The following CS variants were observed in gnomAD, a reference collection of about 807,000 sequenced individuals.
CS encodes the protein citrate synthase, mitochondrial.
CS carries 13 observed loss-of-function variants against 61.4 expected under a neutral mutation model. The observed-to-expected ratio is 0.21, with a 90% CI of 0.14 to 0.34. The LOEUF (loss-of-function observed/expected upper bound fraction) is 0.34. CS is among the 10% of genes least tolerant of loss of function. The pLI, the probability that CS is intolerant of heterozygous loss-of-function variation, is 1.00. For synonymous variants in CS, 159 were observed against 215.2 expected, an observed-to-expected ratio of 0.74 and a Z score of 2.29; for missense variants, 278 against 573.4, an observed-to-expected ratio of 0.48 and a Z score of 5.26.
In CS at chr12:56,271,941, A is replaced by G. The variant is rs985220122; in HGVS notation, c.*1143T>C. 1 of 455,914 alleles carries G rather than the reference A, an allele frequency of 2.2e-6. No individual in the cohort carries two copies. Among genetic ancestry groups the G allele is most frequent in the Non-Finnish European group, 4.4e-6 (1 of 226,622 alleles). The allele number at this position is 455,914 out of a possible 1,614,324, so 28.2% of individuals were successfully genotyped here. A position where few individuals can be genotyped will look rare whatever the true frequency, so the allele number is the denominator to read the frequency against. ...TCTGAGTTGCTGAAAACCTGTGCAAATGGGGCTTCTGAAACATTGTACTGT... is the reference window on the plus strand; with the variant it reads ...TCTGAGTTGCTGAAAACCTGTGCAAGTGGGGCTTCTGAAACATTGTACTGT... On this transcript the variant is annotated 3_prime_UTR_variant, in exon 11 of 11. Coordinates refer to ENST00000351328, the MANE Select transcript of CS (RefSeq NM_004077.3).
At position 56,289,183 on chromosome 12, in the gene CS, T is replaced by A. The variant is rs565733757; in HGVS notation, c.43-2538A>T. 6.6e-5 allele frequency among the ~76,000 whole-genome samples: 10 copies of A among 152,308 alleles called. No individual in the cohort carries two copies. The East Asian group carries it at 1.7e-3, about 26-fold the overall frequency. ...CCCTTCATAGCCCTTGCACCCTACATGGGCAAACAGGAAGCTGAACCCAGC... is the reference window on the plus strand; with the variant it reads ...CCCTTCATAGCCCTTGCACCCTACAAGGGCAAACAGGAAGCTGAACCCAGC... On this transcript the variant is annotated intron_variant, in intron 1 of 10. Coordinates refer to ENST00000351328, the MANE Select transcript of CS (RefSeq NM_004077.3).
At chr12:56,283,329 C>T (rs1164104462) in intron 4 of CS, among the ~76,000 whole-genome samples, 4 of 152,084 alleles carry the variant, frequency 2.6e-5, no homozygotes, top group Non-Finnish European at 4.4e-5. Flanking sequence ...CTGCAAACTC[C>T]GCCTCCTGGG....
intron 1 of CS, among the ~76,000 whole-genome samples, chr12:56,287,848 G>A (rs941209920): frequency 6.6e-6 from 1 of 151,870 alleles, no homozygotes; most frequent in African/African-American, 2.4e-5. Context: ...AGTAGAGACG[G>A]GGTTTCACCA....
chr12:56,273,765 C>T lies in CS; in HGVS notation c.1052G>A (p.Arg351Lys). Residue 351 changes from arginine to lysine, a missense_variant, in exon 10 of 11, where the codon AGG becomes AAG. Arg to Lys is a conservative substitution (Grantham distance 26, BLOSUM62 2). Transcript: ENST00000351328. The stretch of plus-strand genomic sequence containing the variant: ...ACAGGTATATCGCGGATCAGTCTTC[C>T]TTAGTACTGCATGGCCATAGCCTGG... ...VVPGYGHAVL[R>K]KTDPRYTCQR... 6.2e-7 allele frequency: 1 copy of T among 1,614,152 alleles called. No homozygotes were observed. The highest frequency in any genetic ancestry group is 8.5e-7 in the Non-Finnish European group (1 of 1,180,012).
chr12:56,280,308 G>A (rs982057686), intron 6 of CS, among the ~76,000 whole-genome samples: 4 of 150,264 alleles, frequency 2.7e-5, no homozygotes, highest in Non-Finnish European at 1.5e-5. Flanking sequence ...CTAACTACTC[G>A]GGAGGCTGAG....
chr12:56,281,081 C>T (rs1872765150), intron 6 of CS, among the ~76,000 whole-genome samples: 1 of 152,190 alleles, frequency 6.6e-6, no homozygotes, highest in African/African-American at 2.4e-5. Context: ...TGTCTTGCAC[C>T]ACAGTGAACT....
chr12:56,288,902 C>T (rs1873029415), intron 1 of CS, among the ~76,000 whole-genome samples: 1 of 151,968 alleles, frequency 6.6e-6, no homozygotes, highest in South Asian at 2.1e-4. Flanking sequence ...CTCAAGTGAT[C>T]CTCCATTTTC....
At chr12:56,285,733 A>G (rs1872921757) in intron 3 of CS, among the ~76,000 whole-genome samples, 183 bp downstream of exon 3, 1 of 152,214 alleles carries the variant, frequency 6.6e-6, no homozygotes, top group Non-Finnish European at 1.5e-5. Flanking sequence ...CAATAAGCTA[A>G]AAACTGTTGA....
chr12:56,290,059 A>C (rs1873069758), intron 1 of CS, among the ~76,000 whole-genome samples: 1 of 151,224 alleles, frequency 6.6e-6, no homozygotes, highest in African/African-American at 2.4e-5. Context: ...ATGCCCAGCT[A>C]ATTTTTGTAG....
chr12:56,282,382 C>T, intron 6 of CS, 38 bp downstream of exon 6: 2 of 1,488,710 alleles, frequency 1.3e-6, no homozygotes, highest in Non-Finnish European at 1.8e-6. Context: ...TCCTTTGAAT[C>T]CCCATCACAC....
chr12:56,278,041 A>G (rs1872673610), intron 6 of CS, among the ~76,000 whole-genome samples: 1 of 152,180 alleles, frequency 6.6e-6, no homozygotes, highest in Non-Finnish European at 1.5e-5. Flanking sequence ...ACCTCTTTTT[A>G]TAAATGAGGA....
At chr12:56,283,948 A>G in intron 3 of CS, 91 bp from the exon 4 acceptor site, 2 of 901,560 alleles carry the variant, frequency 2.2e-6, no homozygotes, top group Non-Finnish European at 1.8e-6. Context: ...GCTTCATGGG[A>G]TCTGGGAGAG....
rs889741916 is a variant in CS at position 56,272,768 on chromosome 12, A to C, written c.*316T>G. ...CTCTGCAACCGGCTTTGACCCATGG[A>C]AACAGGAGCCAGATTCTCACTCTAG... On this transcript the variant is annotated 3_prime_UTR_variant, in exon 11 of 11. Transcript: ENST00000351328. The C allele has an allele frequency of 3.9e-5, 8 of 204,520 alleles. No homozygotes were observed. Among genetic ancestry groups the C allele is most frequent in the Non-Finnish European group, 6.9e-5 (7 of 101,766 alleles). The allele number at this position is 204,520 out of a possible 1,614,324, so 12.7% of individuals were successfully genotyped here.
intron 1 of CS, among the ~76,000 whole-genome samples, chr12:56,294,119 C>T (rs1173894878): frequency 2.0e-5 from 3 of 152,176 alleles, no homozygotes; most frequent in Non-Finnish European, 4.4e-5. Context: ...TTCATACTTA[C>T]AGACATTTCC....
At chr12:56,299,990 C>T in intron 1 of CS, 170 bp downstream of exon 1, 1 of 602,784 alleles carries the variant, frequency 1.7e-6, no homozygotes. Flanking sequence ...AGAAGGGAAG[C>T]GCGGCACATG....
chr12:56,283,885 A>C, intron 3 of CS, 28 bp from the exon 4 acceptor site: 1 of 1,558,164 alleles, frequency 6.4e-7, no homozygotes, highest in Non-Finnish European at 8.8e-7. Context: ...AGAAGGAAAA[A>C]AAAAAGAGGC....
chr12:56,279,695 G>A (rs1872716910), intron 6 of CS, among the ~76,000 whole-genome samples: 2 of 152,010 alleles, frequency 1.3e-5, no homozygotes, highest in African/African-American at 2.4e-5. Context: ...GAACCAGGGA[G>A]GCGGAGCTTG....
intron 6 of CS, among the ~76,000 whole-genome samples, chr12:56,280,805 A>G (rs1872759093): frequency 6.6e-6 from 1 of 152,296 alleles, no homozygotes; most frequent in South Asian, 2.1e-4. Flanking sequence ...AAATATACAC[A>G]TTCATACCAC....
intron 1 of CS, 145 bp downstream of exon 1, chr12:56,300,015 C>G: frequency 1.4e-6 from 1 of 726,092 alleles, no homozygotes. Context: ...TGTAGCTTCA[C>G]GCAGGGCTGG....
Sources: gnomAD v4.1 joint callset for allele counts (sites outside exome capture counted in the v4.1 genomes callset) on GRCh38, gnomAD v4.1.1 for gene constraint, MANE v1.5 for transcripts, NCBI Gene and HGNC (gene_info 2026-07-23, HGNC 2026-07-21) for gene names.